The following SLIT2 variants were observed in gnomAD, a reference collection of about 807,000 sequenced individuals.
SLIT2 encodes the protein slit guidance ligand 2.
SLIT2 carries 41 observed loss-of-function variants against 185.7 expected under a neutral mutation model. That is an observed-to-expected ratio of 0.22 (90% CI 0.17 to 0.29). The LOEUF (loss-of-function observed/expected upper bound fraction) is 0.29. Among genes scored for constraint, SLIT2 ranks in the 10% least tolerant of loss-of-function variants. The pLI is 1.00. For synonymous variants in SLIT2, 693 were observed against 680.2 expected (o/e 1.02, Z -0.29); for missense variants, 1,571 against 1,909.0 (o/e 0.82, Z 3.30).
intron 29 of SLIT2, among the ~76,000 whole-genome samples, chr4:20,583,862 A>G (rs1726819609): frequency 6.6e-6 from 1 of 152,010 alleles, no homozygotes; most frequent in Non-Finnish European, 1.5e-5. Flanking sequence ...AGTTAGGTTC[A>G]TAGATCTAAA....
intron 4 of SLIT2, among the ~76,000 whole-genome samples, chr4:20,409,918 G>T (rs1727083433): frequency 6.6e-6 from 1 of 151,986 alleles, no homozygotes; most frequent in Admixed American, 6.6e-5. Flanking sequence ...TAATGGGGTT[G>T]TTTTACTCTT....
At chr4:20,367,324 G>GCT (rs537160525) in intron 4 of SLIT2, among the ~76,000 whole-genome samples, 110 of 152,192 alleles carry the variant, frequency 7.2e-4, no homozygotes, top group Non-Finnish European at 1.1e-3. Context: ...AACATCTTAA[G>GCT]CTGATAGAAA....
At chr4:20,591,804 T>A (rs896827000) in intron 30 of SLIT2, among the ~76,000 whole-genome samples, 1 of 152,048 alleles carries the variant, frequency 6.6e-6, no homozygotes, top group Non-Finnish European at 1.5e-5. Flanking sequence ...CAGTACTTTG[T>A]GTATTGTAAG....
intron 4 of SLIT2, among the ~76,000 whole-genome samples, chr4:20,377,184 A>C (rs1724091018): frequency 6.6e-6 from 1 of 152,126 alleles, no homozygotes; most frequent in Non-Finnish European, 1.5e-5. Context: ...ATAAAATGCT[A>C]ATTCTTGAGA....
intron 4 of SLIT2, among the ~76,000 whole-genome samples, chr4:20,448,645 A>G (rs1015760417): frequency 7.4e-5 from 11 of 148,430 alleles, no homozygotes; most frequent in African/African-American, 2.7e-4. Flanking sequence ...TTATTTATTT[A>G]TTTTATTTTG....
chr4:20,545,214 G>T (rs971106166), intron 21 of SLIT2, among the ~76,000 whole-genome samples: 5 of 152,006 alleles, frequency 3.3e-5, no homozygotes, highest in Non-Finnish European at 7.4e-5. Flanking sequence ...GTGGGCACAT[G>T]TATAGCCAGA....
chr4:20,458,088 C>CAA lies in SLIT2; in HGVS notation c.396-9647_396-9646dup, dbSNP rs10672353. The stretch of plus-strand genomic sequence containing the variant: ...CAGACCTGTCCCAGTACACATTATG[C>CAA]AAAAAAAAAAAAAAAAAAGAGGTTT... On this transcript the variant is annotated intron_variant, in intron 4 of 36. Coordinates refer to ENST00000504154, the MANE Select transcript of SLIT2 (RefSeq NM_004787.4). Among the ~76,000 whole-genome samples, 335 of 112,870 alleles carry CAA rather than the reference C, an allele frequency of 3.0e-3. 1 individual carries two copies. The highest frequency in any genetic ancestry group is 0.019 in the South Asian group (57 of 2,980). 74.0% of individuals were successfully genotyped at this position (112,870 alleles called of 152,430 possible).
At chr4:20,286,897 C>T (rs1715324212) in intron 4 of SLIT2, among the ~76,000 whole-genome samples, 1 of 152,166 alleles carries the variant, frequency 6.6e-6, no homozygotes, top group African/African-American at 2.4e-5. Flanking sequence ...TTTTTCCACG[C>T]ATTACACTCA....
In SLIT2 at chr4:20,531,984, G is replaced by T; in HGVS notation, c.1614G>T (p.Leu538Phe). Reference protein sequence around the residue: ...PEHIPQYTAELRLNNNEFTVL... With the variant: ...PEHIPQYTAEFRLNNNEFTVL... ...TCTCTATTCCTTCTTTTTTCTTCAGGCGTCTCAATAATAATGAATTTACCG... is the reference window on the plus strand; with the variant it reads ...TCTCTATTCCTTCTTTTTTCTTCAGTCGTCTCAATAATAATGAATTTACCG... The change falls in exon 17 of 37, where the codon TTG becomes TTT. Residue 538 changes from leucine (L) to phenylalanine (F), a missense_variant and splice_region_variant. Physicochemically the swap from Leu to Phe is conservative, Grantham distance 22. Coordinates refer to ENST00000504154, the MANE Select transcript of SLIT2 (RefSeq NM_004787.4). The T allele has an allele frequency of 1.3e-6, 2 of 1,551,660 alleles. No individual in the cohort carries two copies. The highest frequency in any genetic ancestry group is 1.7e-6 in the Non-Finnish European group (2 of 1,151,396).
chr4:20,553,734 C>A, intron 25 of SLIT2, 71 bp from the exon 26 acceptor site: 1 of 1,138,654 alleles, frequency 8.8e-7, no homozygotes, highest in Non-Finnish European at 1.1e-6. Flanking sequence ...TACTTCCATA[C>A]TTGTGTGTGT....
rs972338030 is a variant in SLIT2, at chr4:20,484,504, A to T, written c.540-1696A>T. On this transcript the variant is annotated intron_variant, in intron 6 of 36. Coordinates refer to ENST00000504154, the MANE Select transcript of SLIT2 (RefSeq NM_004787.4). This position sits in a 1 kb window ranked among gnomAD's most constrained non-coding sequence, Gnocchi z 4.3. Reference sequence around the variant, plus strand: ...GAATAGTTCTTATATAATTCAATACATTGCAAAACAAGGTGGTAAAGAGGG... The same window carrying T: ...GAATAGTTCTTATATAATTCAATACTTTGCAAAACAAGGTGGTAAAGAGGG... Among the ~76,000 whole-genome samples, 5 of 152,110 alleles carry T rather than the reference A, an allele frequency of 3.3e-5. No homozygotes were observed.
rs144138590 is a variant in SLIT2 at position 20,584,067 on chromosome 4, TG to T, written c.3089-5575del. 5.3e-3 allele frequency among the ~76,000 whole-genome samples: 813 copies of T among 152,246 alleles called. 6 individuals carry two copies. Among genetic ancestry groups the T allele is most frequent in the African/African-American group, 0.019 (776 of 41,568 alleles). On this transcript the variant is annotated intron_variant, in intron 29 of 36. Coordinates refer to ENST00000504154, the MANE Select transcript of SLIT2 (RefSeq NM_004787.4). ...GTACAGCTAAGTGTGATACTCCCTC[TG>T]GTAACTTGCTGTCTGCATGATCCAT...
chr4:20,472,295 G>T (rs781561843), intron 5 of SLIT2, among the ~76,000 whole-genome samples: 10,358 of 25,144 alleles, frequency 0.41, 2,583 homozygotes, highest in Middle Eastern at 0.54. Context: ...TAGATATATA[G>T]ATATATAGAT....
intron 17 of SLIT2, chr4:20,533,298 C>A (rs1721966964): frequency 3.0e-6 from 1 of 337,194 alleles, no homozygotes; most frequent in Non-Finnish European, 5.4e-6. Flanking sequence ...TTTGTGTAAC[C>A]CAATACCTGA....
intron 4 of SLIT2, among the ~76,000 whole-genome samples, chr4:20,350,357 G>A (rs1437237870): frequency 6.6e-6 from 1 of 151,592 alleles, no homozygotes; most frequent in East Asian, 1.9e-4. Context: ...TATGTAGTCT[G>A]GAACCAGTAG....
intron 5 of SLIT2, among the ~76,000 whole-genome samples, chr4:20,471,882 C>T (rs1375383933): frequency 1.3e-5 from 2 of 152,054 alleles, no homozygotes; most frequent in Non-Finnish European, 2.9e-5. Context: ...CTTCCCATAA[C>T]TTTTTTGCTT....
chr4:20,502,230 G>T (rs1007228200), intron 9 of SLIT2, among the ~76,000 whole-genome samples: 2 of 152,122 alleles, frequency 1.3e-5, no homozygotes, highest in Non-Finnish European at 2.9e-5. Context: ...TGGAGAAAAA[G>T]AAATATTAAA....
intron 29 of SLIT2, among the ~76,000 whole-genome samples, chr4:20,587,837 A>G (rs969034243): frequency 2.0e-5 from 3 of 152,248 alleles, no homozygotes; most frequent in African/African-American, 4.8e-5. Flanking sequence ...AGAGTAAATA[A>G]AGAATAAAAC....
intron 4 of SLIT2, among the ~76,000 whole-genome samples, chr4:20,283,120 G>GCGCGCACACA (rs143964894): frequency 0.033 from 4,922 of 149,918 alleles, 97 homozygotes; most frequent in East Asian, 0.075. Context: ...GTGCGCGCGC[G>GCGCGCACACA]CACACACACA....
Sources: allele counts gnomAD v4.1 joint callset (sites outside exome capture counted in the v4.1 genomes callset), GRCh38; gene constraint gnomAD v4.1.1; non-coding constraint Gnocchi (gnomAD v3.1); transcripts MANE v1.5; gene names NCBI Gene and HGNC (gene_info 2026-07-23, HGNC 2026-07-21).